PPP1R16A: variants seen among roughly 807,000 people sequenced by gnomAD.
PPP1R16A encodes the protein protein phosphatase 1 regulatory subunit 16A.
Under a neutral mutation model 46.6 loss-of-function variants are expected in PPP1R16A, and 39 were observed. The observed-to-expected ratio is 0.84, with a 90% CI of 0.65 to 1.09. The LOEUF (loss-of-function observed/expected upper bound fraction) is 1.09, where lower values mean the gene tolerates loss of function less well. PPP1R16A is among the 50% of genes least tolerant of loss of function. The pLI, the probability that PPP1R16A is intolerant of heterozygous loss-of-function variation, is 0.00. For missense variants in PPP1R16A, 798 were observed against 735.6 expected (o/e 1.08, Z -0.98); for synonymous variants, 413 against 321.5 (o/e 1.28, Z -3.04).
In PPP1R16A at chr8:144,492,537, T is replaced by G. The variant is rs563975796; in HGVS notation, c.-735+2325T>G. ...TTTTTAGTAGAGATGGGGTTTTACC[T>G]TGTTAGCAAGGATGGTCTCGATCTC... On this transcript the variant is annotated intron_variant, in intron 2 of 11. Coordinates refer to ENST00000435887, the MANE Select transcript of PPP1R16A (RefSeq NM_001329443.2). 6.5e-3 allele frequency among the ~76,000 whole-genome samples: 984 copies of G among 152,062 alleles called. 6 individuals are homozygous for G. Among genetic ancestry groups the G allele is most frequent in the African/African-American group, 0.022 (927 of 41,478 alleles).
At position 144,501,230 on chromosome 8, in the gene PPP1R16A, CGGAGCCGCCCGA is replaced by C. The variant is rs779403069; in HGVS notation, c.1143_1154del (p.Glu381_Glu384del). 2 of 1,606,532 alleles carry C rather than the reference CGGAGCCGCCCGA, an allele frequency of 1.2e-6. No individual in the cohort carries two copies. Among genetic ancestry groups the C allele is most frequent in the South Asian group, 2.2e-5 (2 of 90,844 alleles). ...TGGCAACAGCCGCCGCCCACCAGCCCGGAGCCGCCCGAGGACAACGATGACCGCCAGACAGGC... is the reference window on the plus strand; with the variant it reads ...TGGCAACAGCCGCCGCCCACCAGCCCGGACAACGATGACCGCCAGACAGGC... On this transcript the variant is annotated inframe_deletion, in exon 11 of 12. Coordinates refer to ENST00000435887, the MANE Select transcript of PPP1R16A (RefSeq NM_001329443.2).
Position 144,501,314 on chromosome 8 carries a change from T to A in PPP1R16A, c.1203+20T>A, listed in dbSNP as rs1289908338. 4 of 1,556,180 alleles carry A rather than the reference T, an allele frequency of 2.6e-6. No homozygotes were observed. Among genetic ancestry groups the A allele is most frequent in the Non-Finnish European group, 3.5e-6 (4 of 1,156,692 alleles). On this transcript the variant is annotated intron_variant, in intron 11 of 11. Transcript: ENST00000435887. ...CCGGAGGTGAGCGCCCCGTCCCTGC[T>A]CCGCCCAGCGCAGGGGTGGGCCTGG...
At chr8:144,499,981 T>C in intron 5 of PPP1R16A, 115 bp from the exon 6 acceptor site, 1 of 1,013,952 alleles carries the variant, frequency 9.9e-7, no homozygotes, top group Non-Finnish European at 1.5e-6. Flanking sequence ...GTGGACAGGG[T>C]GCCTCCTGAG....
At chr8:144,492,664 C>T (rs1237382773) in intron 2 of PPP1R16A, among the ~76,000 whole-genome samples, 1 of 151,924 alleles carries the variant, frequency 6.6e-6, no homozygotes, top group Non-Finnish European at 1.5e-5. Context: ...GTGCACCTTA[C>T]TGAGGTGCAC....
chr8:144,485,261 G>T lies in PPP1R16A; in HGVS notation c.-913-4773G>T, dbSNP rs185446843. Reference sequence around the variant, plus strand: ...AAAAAGGCCAGGCGCAGTGGCTCATGCCTGTAATTCTAGCACTTTGGGAGG... The same window carrying T: ...AAAAAGGCCAGGCGCAGTGGCTCATTCCTGTAATTCTAGCACTTTGGGAGG... On this transcript the variant is annotated intron_variant, in intron 1 of 11. Transcript: ENST00000435887. Among the ~76,000 whole-genome samples the T allele has an allele frequency of 9.4e-5, 13 of 138,432 alleles. No homozygotes were observed. In the East Asian group the frequency reaches 2.3e-3, roughly 24 times the overall value. The allele number at this position is 138,432 out of a possible 152,430, so 90.8% of individuals were successfully genotyped here.
In PPP1R16A at chr8:144,500,832, C is replaced by T. The variant is rs370120097; in HGVS notation, c.908-10C>T. The T allele has an allele frequency of 6.3e-6, 10 of 1,586,160 alleles. No homozygotes were observed. The highest frequency in any genetic ancestry group is 2.7e-5 in the African/African-American group (2 of 74,408). On this transcript the variant is annotated splice_polypyrimidine_tract_variant and intron_variant, in intron 9 of 11. Coordinates refer to ENST00000435887, the MANE Select transcript of PPP1R16A (RefSeq NM_001329443.2). ...GGAGGGCGCCCCTGACGCCTGCGCC[C>T]ACTTCTCAGATGTGTGCGGGGACGA...
chr8:144,489,183 C>T (rs1825712230), intron 1 of PPP1R16A, among the ~76,000 whole-genome samples: 1 of 131,074 alleles, frequency 7.6e-6, no homozygotes, highest in Non-Finnish European at 1.6e-5. Context: ...GGATGAACTT[C>T]TTAGGGTTGG....
In PPP1R16A at chr8:144,500,280, C is replaced by T. The variant is rs1392267780; in HGVS notation, c.594C>T (p.Asp198=). ...GCCGCCTCGCAGGCATCACCCAGGA[C>T]AGCATCGAGGCCGCCCGGGCCGTGC... ...TAMADRGITQ[D]SIEAARAVPE... The change falls in exon 7 of 12, where the codon GAC becomes GAT. Residue 198 remains aspartate (D), a synonymous_variant. Transcript: ENST00000435887. The T allele has an allele frequency of 5.8e-6, 9 of 1,553,000 alleles. No homozygotes were observed. Among genetic ancestry groups the T allele is most frequent in the Non-Finnish European group, 7.8e-6 (9 of 1,150,130 alleles).
intron 1 of PPP1R16A, among the ~76,000 whole-genome samples, chr8:144,481,820 C>T (rs918170641): frequency 3.9e-5 from 6 of 151,988 alleles, no homozygotes; most frequent in Non-Finnish European, 7.4e-5. Context: ...CTCTGTTGCC[C>T]AGGCGGGAGT....
Position 144,501,110 on chromosome 8 carries a change from T to A in PPP1R16A, c.1038-19T>A, listed in dbSNP as rs1395335764. On this transcript the variant is annotated intron_variant, in intron 10 of 11. Coordinates refer to ENST00000435887, the MANE Select transcript of PPP1R16A (RefSeq NM_001329443.2). The stretch of plus-strand genomic sequence containing the variant: ...GGGCACTCCCCTTCCCCTCACTCCC[T>A]CTCCTCTCTCCTCCCCAGGAAGGTG... 6.2e-7 allele frequency: 1 copy of A among 1,608,806 alleles called. No homozygotes were observed. Among genetic ancestry groups the A allele is most frequent in the African/African-American group, 1.3e-5 (1 of 74,786 alleles).
rs138377500 is a variant in PPP1R16A at position 144,501,227 on chromosome 8, G to A, written c.1136G>A (p.Ser379Asn). ...GTGTGGCAACAGCCGCCGCCCACCA[G>A]CCCGGAGCCGCCCGAGGACAACGAT... ...AIVWQQPPPT[S>N]PEPPEDNDDR... The change falls in exon 11 of 12, where the codon AGC (serine) becomes AAC (asparagine). Residue 379 changes from serine (S) to asparagine (N), a missense_variant. By Grantham distance (46) the Ser-to-Asn change is conservative. Coordinates refer to ENST00000435887, the MANE Select transcript of PPP1R16A (RefSeq NM_001329443.2). 2.5e-6 allele frequency: 4 copies of A among 1,606,364 alleles called. No individual in the cohort carries two copies. In the African/African-American group the frequency reaches 5.3e-5, roughly 21 times the overall value.
intron 1 of PPP1R16A, among the ~76,000 whole-genome samples, chr8:144,485,384 C>T (rs1825596890): frequency 6.6e-6 from 1 of 151,398 alleles, no homozygotes; most frequent in South Asian, 2.1e-4. Context: ...ATTAGCCAGG[C>T]GTGGTGGCAC....
In PPP1R16A at chr8:144,497,417, C is replaced by A. The variant is rs1586754656; in HGVS notation, c.223C>A (p.Leu75Ile). Residue 75 changes from leucine (L) to isoleucine (I), a missense_variant, in exon 3 of 12, where the codon CTT becomes ATT. Transcript: ENST00000435887. ...GGTCCTCTTCCCTCCCAGTGTTGTC[C>A]TTCTGGAGGCCGCTGCCCGAAATGA... ...KQVLFPPSVVLLEAAARNDLE... is the reference protein window; with the variant it reads ...KQVLFPPSVVILEAAARNDLE... 6.2e-7 allele frequency: 1 copy of A among 1,613,054 alleles called. No individual in the cohort carries two copies. The highest frequency in any genetic ancestry group is 8.5e-7 in the Non-Finnish European group (1 of 1,180,014).
chr8:144,500,064 T>G (rs755294983), intron 5 of PPP1R16A, 32 bp from the exon 6 acceptor site: 1 of 1,580,262 alleles, frequency 6.3e-7, no homozygotes, highest in Non-Finnish European at 8.6e-7. Flanking sequence ...GGAAGGGCCT[T>G]GTGCCCAGCA....
At position 144,478,061 on chromosome 8, in the gene PPP1R16A, G is replaced by C; in HGVS notation, c.-980G>C. 2.5e-6 allele frequency: 1 copy of C among 395,576 alleles called. No homozygotes were observed. Among genetic ancestry groups the C allele is most frequent in the Non-Finnish European group, 4.5e-6 (1 of 223,990 alleles). 24.5% of individuals were successfully genotyped at this position (395,576 alleles called of 1,614,324 possible). A position where few individuals can be genotyped will look rare whatever the true frequency, so the allele number is the denominator to read the frequency against. On this transcript the variant is annotated 5_prime_UTR_variant, in exon 1 of 12. Transcript: ENST00000435887. ...GCCCGCCCCCGCAGCGCCTCAGGGA[G>C]CGCGGGGCCCACTGACCCGCGGAAG...
rs2251727 is a variant in PPP1R16A at position 144,492,358 on chromosome 8, G to C, written c.-735+2146G>C. Among the ~76,000 whole-genome samples the C allele has an allele frequency of 1.0e-4, 15 of 144,070 alleles. No individual in the cohort carries two copies. The East Asian group carries it at 2.9e-3, about 28-fold the overall frequency. 94.5% of individuals were successfully genotyped at this position (144,070 alleles called of 152,430 possible). On this transcript the variant is annotated intron_variant, in intron 2 of 11. Coordinates refer to ENST00000435887, the MANE Select transcript of PPP1R16A (RefSeq NM_001329443.2). The stretch of plus-strand genomic sequence containing the variant: ...ACTTTTTTTTTTTTTTTTTTTGATA[G>C]GGAGTCTCTCTCTGTCACCCAGGCT...
chr8:144,479,532 G>A (rs1381700294), intron 1 of PPP1R16A, among the ~76,000 whole-genome samples: 1 of 152,134 alleles, frequency 6.6e-6, no homozygotes, highest in East Asian at 1.9e-4. Flanking sequence ...GCCTGGGCTG[G>A]CACCTAGCAA....
chr8:144,500,460 G>T (rs756687505), intron 7 of PPP1R16A, 27 bp from the exon 8 acceptor site: 1 of 1,556,044 alleles, frequency 6.4e-7, no homozygotes, highest in South Asian at 1.2e-5. Context: ...GGATGGGGCC[G>T]AATTCAGGCC....
chr8:144,483,123 T>C (rs1373892916), intron 1 of PPP1R16A, among the ~76,000 whole-genome samples: 1 of 152,182 alleles, frequency 6.6e-6, no homozygotes, highest in Non-Finnish European at 1.5e-5. Context: ...AAGTAGGATA[T>C]GCCTTCTTTT....
Sources: gnomAD v4.1 joint callset for allele counts (sites outside exome capture counted in the v4.1 genomes callset) on GRCh38, gnomAD v4.1.1 for gene constraint, MANE v1.5 for transcripts, NCBI Gene and HGNC (gene_info 2026-07-23, HGNC 2026-07-21) for gene names.